PLXNA4: variants seen among roughly 807,000 people sequenced by gnomAD.
PLXNA4 encodes plexin-A4.
A neutral mutation model predicts 191.8 loss-of-function variants in PLXNA4; 44 were observed. The observed-to-expected ratio is 0.23, with a 90% confidence interval of 0.18 to 0.29. The LOEUF (loss-of-function observed/expected upper bound fraction) is 0.29. Among genes scored for constraint, PLXNA4 ranks in the 10% least tolerant of loss-of-function variants. The pLI is 1.00. For missense variants in PLXNA4, 1,800 were observed against 2,488.8 expected, an observed-to-expected ratio of 0.72 and a Z score of 5.89; for synonymous variants, 1,082 against 1,009.5, an observed-to-expected ratio of 1.07 and a Z score of -1.36.
intron 1 of PLXNA4, among the ~76,000 whole-genome samples, chr7:132,517,466 T>A (rs1034548897): frequency 6.6e-6 from 1 of 152,212 alleles, no homozygotes; most frequent in African/African-American, 2.4e-5. Flanking sequence ...AAGAAACCTT[T>A]ACTGTGATAA....
chr7:132,445,157 G>GAAAAAAAAAAAAAAAAAAA (rs71529762), intron 3 of PLXNA4, among the ~76,000 whole-genome samples: 2 of 53,792 alleles, frequency 3.7e-5, no homozygotes, highest in Non-Finnish European at 6.6e-5. Context: ...TCCATCTCAG[G>GAAAAAAAAAAAAAAAAAAA]AAAAAAAAAA....
rs146731208 is a variant in PLXNA4, at chr7:132,648,026, C to A, written c.-203+488G>T. On this transcript the variant is annotated intron_variant, in intron 1 of 4. Transcript: ENST00000378539. Reference sequence around the variant, plus strand: ...ATACCCACAAACACACATATACTCACACACACACAGTCATATATATACTCA... The same window carrying A: ...ATACCCACAAACACACATATACTCAAACACACACAGTCATATATATACTCA... Among the ~76,000 whole-genome samples the A allele has an allele frequency of 6.9e-4, 102 of 148,596 alleles. 1 individual carries two copies. In the East Asian group the frequency reaches 0.019, roughly 27 times the overall value.
chr7:132,306,156 G>A (rs529126767), intron 3 of PLXNA4, among the ~76,000 whole-genome samples: 5 of 152,154 alleles, frequency 3.3e-5, no homozygotes, highest in African/African-American at 7.2e-5. Flanking sequence ...GGGCTTGTGC[G>A]GAGGCGCCCC....
chr7:132,249,061 G>A (rs1799156943), intron 4 of PLXNA4, among the ~76,000 whole-genome samples: 1 of 152,220 alleles, frequency 6.6e-6, no homozygotes, highest in Non-Finnish European at 1.5e-5. Context: ...TGGGGTCAAG[G>A]TTGATGATAT....
In PLXNA4 at chr7:132,576,465, G is replaced by C; in HGVS notation, c.-130C>G. 2 of 985,584 alleles carry C rather than the reference G, an allele frequency of 2.0e-6. No individual in the cohort carries two copies. Among genetic ancestry groups the C allele is most frequent in the Non-Finnish European group, 2.4e-6 (2 of 829,886 alleles). 61.1% of individuals were successfully genotyped at this position (985,584 alleles called of 1,614,324 possible). A position where few individuals can be genotyped will look rare whatever the true frequency, so the allele number is the denominator to read the frequency against. The stretch of plus-strand genomic sequence containing the variant: ...CCTCCTTCAGCGGGAGCGCCGCATT[G>C]ACACTGCAGATGGAGCCTATGCCGC... On this transcript the variant is annotated 5_prime_UTR_variant, in exon 1 of 32. Coordinates refer to ENST00000321063, the MANE Select transcript of PLXNA4 (RefSeq NM_020911.2). This position sits in a 1 kb window ranked among gnomAD's most constrained non-coding sequence, Gnocchi z 5.8.
At position 132,311,665 on chromosome 7, in the gene PLXNA4, C is replaced by A. The variant is rs59046888; in HGVS notation, c.1372-13443G>T. ...CCACCCCTTATTGAATCCTTCCCCT[C>A]CCCGTCCCACACATCTCTCCAGCAC... On this transcript the variant is annotated intron_variant, in intron 3 of 31. Transcript: ENST00000321063. 8.0e-3 allele frequency among the ~76,000 whole-genome samples: 1,212 copies of A among 152,306 alleles called. 21 individuals are homozygous for A. Among genetic ancestry groups the A allele is most frequent in the African/African-American group, 0.028 (1,157 of 41,568 alleles).
intron 4 of PLXNA4, among the ~76,000 whole-genome samples, chr7:132,260,053 A>G (rs1282172709): frequency 6.6e-6 from 1 of 152,212 alleles, no homozygotes; most frequent in Admixed American, 6.5e-5. Flanking sequence ...CTGATGCACT[A>G]TCGGTGGGAG....
At chr7:132,503,649 C>G (rs1057410592) in intron 2 of PLXNA4, among the ~76,000 whole-genome samples, 4 of 152,174 alleles carry the variant, frequency 2.6e-5, no homozygotes, top group African/African-American at 9.7e-5. Context: ...GGATGGCAGC[C>G]TTCAAAAGGG....
chr7:132,227,623 G>C lies in PLXNA4; in HGVS notation c.1729-19C>G, dbSNP rs370402240. ...GGACCAGCTGTGAACAGCCAGGCGG[G>C]GGGAGAGAAGGAGGAGGGTGAAATG... On this transcript the variant is annotated intron_variant, in intron 6 of 31. Coordinates refer to ENST00000321063, the MANE Select transcript of PLXNA4 (RefSeq NM_020911.2). The C allele has an allele frequency of 5.0e-4, 809 of 1,614,018 alleles. 9 individuals carry two copies. The African/African-American group carries it at 9.6e-3, about 19-fold the overall frequency.
At chr7:132,189,056 G>GAGAGAGAA (rs1562909268) in intron 14 of PLXNA4, among the ~76,000 whole-genome samples, 4 of 102,486 alleles carry the variant, frequency 3.9e-5, no homozygotes, top group African/African-American at 2.2e-4. Flanking sequence ...GAGAGAGAGA[G>GAGAGAGAA]AGAGAGAGAG....
chr7:132,505,493 A>C (rs1159834113), intron 2 of PLXNA4, among the ~76,000 whole-genome samples: 1 of 152,186 alleles, frequency 6.6e-6, no homozygotes, highest in Non-Finnish European at 1.5e-5. Context: ...TTGTTTAGTA[A>C]GTGCACAGTA....
chr7:132,164,442 C>G (rs1796040037), intron 23 of PLXNA4, among the ~76,000 whole-genome samples, 154 bp from the exon 24 acceptor site: 1 of 152,112 alleles, frequency 6.6e-6, no homozygotes, highest in African/African-American at 2.4e-5. Flanking sequence ...CTCCTTCTCT[C>G]CATCTCCTCA....
intron 2 of PLXNA4, among the ~76,000 whole-genome samples, chr7:132,593,775 C>T (rs1802649895): frequency 6.6e-6 from 1 of 152,214 alleles, no homozygotes; most frequent in South Asian, 2.1e-4. Flanking sequence ...ACAAGTGCTG[C>T]CTGCCATGGA....
Position 132,313,200 on chromosome 7 carries a change from A to C in PLXNA4, c.1372-14978T>G, listed in dbSNP as rs74721681. 7.2e-3 allele frequency among the ~76,000 whole-genome samples: 1,100 copies of C among 152,266 alleles called. 11 individuals carry two copies. The highest frequency in any genetic ancestry group is 0.025 in the African/African-American group (1,026 of 41,526). ...TATTAAGCTAGTAATGGTTACACAAAGTCTTATTTATGAAATGCATTTAAA... is the reference window on the plus strand; with the variant it reads ...TATTAAGCTAGTAATGGTTACACAACGTCTTATTTATGAAATGCATTTAAA... On this transcript the variant is annotated intron_variant, in intron 3 of 31. Transcript: ENST00000321063.
At chr7:132,220,338 C>T (rs576944966) in intron 9 of PLXNA4, among the ~76,000 whole-genome samples, 2 of 152,278 alleles carry the variant, frequency 1.3e-5, no homozygotes, top group African/African-American at 4.8e-5. Context: ...TCAAAATGGC[C>T]CTGGGATTGA....
intron 4 of PLXNA4, among the ~76,000 whole-genome samples, chr7:132,268,568 G>C (rs970742025): frequency 2.0e-5 from 3 of 152,190 alleles, no homozygotes; most frequent in Non-Finnish European, 4.4e-5. Flanking sequence ...AGGGTCATGG[G>C]TCTTATTTAC....
At chr7:132,229,051 T>C (rs1234862483) in intron 5 of PLXNA4, among the ~76,000 whole-genome samples, 9 of 152,174 alleles carry the variant, frequency 5.9e-5, no homozygotes, top group Admixed American at 5.9e-4. Context: ...ATTTCTTAGA[T>C]TGTATGACAA....
At chr7:132,379,224 G>A (rs991717095) in intron 3 of PLXNA4, among the ~76,000 whole-genome samples, 30 of 152,160 alleles carry the variant, frequency 2.0e-4, no homozygotes, top group African/African-American at 7.0e-4. Flanking sequence ...TCAAGTGGAG[G>A]CAGGACAAGT....
At chr7:132,447,134 C>T (rs990615471) in intron 3 of PLXNA4, among the ~76,000 whole-genome samples, 8 of 152,246 alleles carry the variant, frequency 5.3e-5, no homozygotes, top group African/African-American at 7.2e-5. Flanking sequence ...CTGACATTTC[C>T]GGTTGATTTC....
Sources: allele counts gnomAD v4.1 joint callset (sites outside exome capture counted in the v4.1 genomes callset), GRCh38; gene constraint gnomAD v4.1.1; non-coding constraint Gnocchi (gnomAD v3.1); transcripts MANE v1.5; gene names NCBI Gene and HGNC (gene_info 2026-07-23, HGNC 2026-07-21).